Variants in CAMTA1 observed in about 807,000 individuals in gnomAD.
CAMTA1 encodes calmodulin binding transcription activator 1, also known as calmodulin-binding transcription activator 1.
Under a neutral mutation model 170.9 loss-of-function variants are expected in CAMTA1, and 27 were observed. The observed-to-expected ratio is 0.16, with a 90% CI of 0.12 to 0.22. The LOEUF (loss-of-function observed/expected upper bound fraction) is 0.22, where lower values mean the gene tolerates loss of function less well. CAMTA1 is among the 10% of genes least tolerant of loss of function. The pLI is 1.00. For synonymous variants in CAMTA1, 833 were observed against 891.5 expected, an observed-to-expected ratio of 0.93 and a Z score of 1.17; for missense variants, 1,619 against 2,217.2, an observed-to-expected ratio of 0.73 and a Z score of 5.42.
intron 4 of CAMTA1, among the ~76,000 whole-genome samples, chr1:7,103,427 T>TAG (rs71582085): frequency 3.5e-5 from 1 of 28,230 alleles, no homozygotes; most frequent in African/African-American, 4.8e-4. Context: ...CACACACACC[T>TAG]ACACACACTA....
intron 5 of CAMTA1, among the ~76,000 whole-genome samples, chr1:7,429,190 G>A (rs572005967): frequency 2.4e-4 from 37 of 152,328 alleles, no homozygotes; most frequent in African/African-American, 7.9e-4. Flanking sequence ...ACCTCTCTGA[G>A]CATCCGTTTC....
chr1:6,807,007 T>G (rs1485384268), intron 1 of CAMTA1: 12 of 663,378 alleles, frequency 1.8e-5, no homozygotes, highest in Middle Eastern at 2.4e-4. Flanking sequence ...AGACCCAGTC[T>G]CTGTCCTTAT....
At chr1:7,366,851 G>A (rs1409345027) in intron 5 of CAMTA1, among the ~76,000 whole-genome samples, 1 of 152,192 alleles carries the variant, frequency 6.6e-6, no homozygotes, top group Non-Finnish European at 1.5e-5. Context: ...GGGAGCAGCC[G>A]ATTTCTGATA....
At chr1:7,714,512 A>G (rs1308392349) in intron 11 of CAMTA1, among the ~76,000 whole-genome samples, 3 of 152,244 alleles carry the variant, frequency 2.0e-5, no homozygotes, top group South Asian at 2.1e-4. Context: ...GTTGAAATCT[A>G]TTAAATCACA....
chr1:7,192,750 A>C (rs1654778433), intron 4 of CAMTA1, among the ~76,000 whole-genome samples: 1 of 152,186 alleles, frequency 6.6e-6, no homozygotes, highest in Non-Finnish European at 1.5e-5. Flanking sequence ...GAGCGAGCCT[A>C]GTGGGATTAT....
chr1:7,616,328 CT>C (rs2095558381), intron 6 of CAMTA1, among the ~76,000 whole-genome samples: 1 of 152,238 alleles, frequency 6.6e-6, no homozygotes, highest in Non-Finnish European at 1.5e-5. Flanking sequence ...ATTAAAATCA[CT>C]TCTTTTTTTC....
chr1:7,566,671 C>T (rs559067161), intron 6 of CAMTA1, among the ~76,000 whole-genome samples: 5 of 152,222 alleles, frequency 3.3e-5, no homozygotes, highest in African/African-American at 1.2e-4. Flanking sequence ...TCCACAGGCA[C>T]CCAGAGGCCT....
intron 5 of CAMTA1, among the ~76,000 whole-genome samples, chr1:7,253,995 A>G (rs1047745657): frequency 6.6e-6 from 1 of 152,066 alleles, no homozygotes; most frequent in African/African-American, 2.4e-5. Flanking sequence ...CAGGGTTTTG[A>G]GGGCTGTGAT....
At chr1:6,932,850 T>G (rs74773222) in intron 3 of CAMTA1, among the ~76,000 whole-genome samples, 2,262 of 152,334 alleles carry the variant, frequency 0.015, 46 homozygotes, top group African/African-American at 0.046. Context: ...TGTGTTCTTA[T>G]TATTGTTTTG....
chr1:7,185,627 C>T (rs1388675480), intron 4 of CAMTA1, among the ~76,000 whole-genome samples: 1 of 152,168 alleles, frequency 6.6e-6, no homozygotes, highest in African/African-American at 2.4e-5. Flanking sequence ...ATATAGCAGA[C>T]ACTACCTGAA....
At chr1:7,221,935 A>ACACACACACG (rs1161722085) in intron 4 of CAMTA1, among the ~76,000 whole-genome samples, 1 of 151,834 alleles carries the variant, frequency 6.6e-6, no homozygotes, top group African/African-American at 2.4e-5. Context: ...ACATACACAC[A>ACACACACACG]CACACACACA....
rs147707373 is a variant in CAMTA1 at position 7,348,045 on chromosome 1, C to T, written c.438+98419C>T. On this transcript the variant is annotated intron_variant, in intron 5 of 22. Coordinates refer to ENST00000303635, the MANE Select transcript of CAMTA1 (RefSeq NM_015215.4). The stretch of plus-strand genomic sequence containing the variant: ...AGAGGACTGGACCTCACAGCAAGGC[C>T]GTGGGACAGAGGCAGCTCTGGCGAG... Among the ~76,000 whole-genome samples the T allele has an allele frequency of 6.7e-3, 1,023 of 152,190 alleles. 6 individuals are homozygous for T. The highest frequency in any genetic ancestry group is 0.014 in the Middle Eastern group (4 of 294).
At chr1:7,684,796 T>C (rs12747548) in intron 11 of CAMTA1, among the ~76,000 whole-genome samples, 14,106 of 152,280 alleles carry the variant, frequency 0.093, 778 homozygotes, top group Middle Eastern at 0.16. Flanking sequence ...CACTGTTCAA[T>C]GCAGGGCTCC....
intron 1 of CAMTA1, among the ~76,000 whole-genome samples, chr1:6,816,051 C>T (rs1484112372): frequency 5.9e-5 from 9 of 152,090 alleles, no homozygotes; most frequent in Admixed American, 5.9e-4. Flanking sequence ...GGCCTGGGTC[C>T]CATCCCCAGA....
chr1:6,985,954 T>C (rs1170667654), intron 3 of CAMTA1, among the ~76,000 whole-genome samples: 3 of 152,254 alleles, frequency 2.0e-5, no homozygotes, highest in Admixed American at 1.3e-4. Context: ...AACCTCTGAC[T>C]ACCGGCGATT....
chr1:6,949,321 G>A (rs1305938635), intron 3 of CAMTA1, among the ~76,000 whole-genome samples: 1 of 152,242 alleles, frequency 6.6e-6, no homozygotes, highest in Non-Finnish European at 1.5e-5. Flanking sequence ...AGGAACTGCA[G>A]CCCTTTCTGC....
At chr1:7,621,008 AAG>A (rs997251069) in intron 6 of CAMTA1, among the ~76,000 whole-genome samples, 1 of 152,066 alleles carries the variant, frequency 6.6e-6, no homozygotes, top group African/African-American at 2.4e-5. Flanking sequence ...AGGAGAGAGA[AAG>A]AGAGTGCGAG....
At chr1:7,574,409 G>A (rs979404333) in intron 6 of CAMTA1, among the ~76,000 whole-genome samples, 1 of 152,202 alleles carries the variant, frequency 6.6e-6, no homozygotes, top group Non-Finnish European at 1.5e-5. Flanking sequence ...GTGGTGTTGG[G>A]GAACACGTGG....
intron 6 of CAMTA1, among the ~76,000 whole-genome samples, chr1:7,524,504 G>A (rs1282798000): frequency 6.6e-6 from 1 of 152,174 alleles, no homozygotes; most frequent in Admixed American, 6.5e-5. Flanking sequence ...AGAACTTCCT[G>A]TACTGTGTTG....
Sources: gnomAD v4.1 joint callset for allele counts (sites outside exome capture counted in the v4.1 genomes callset) on GRCh38, gnomAD v4.1.1 for gene constraint, MANE v1.5 for transcripts, NCBI Gene and HGNC (gene_info 2026-07-23, HGNC 2026-07-21) for gene names.